Variants in DAB1 observed in about 807,000 individuals in gnomAD.
DAB1 encodes DAB adaptor protein 1, also known as disabled homolog 1.
A neutral mutation model predicts 64.6 loss-of-function variants in DAB1; 15 were observed. The observed-to-expected ratio is 0.23, with a 90% confidence interval of 0.16 to 0.36. The LOEUF is 0.36. Among genes scored for constraint, DAB1 ranks in the 10% least tolerant of loss-of-function variants. The probability of loss-of-function intolerance (pLI) is 1.00; values close to 1 mark genes in which losing one functional copy is unlikely to be tolerated. For synonymous variants in DAB1, 235 were observed against 251.9 expected (o/e 0.93, Z 0.64); for missense variants, 596 against 706.7 (o/e 0.84, Z 1.78).
intron 8 of DAB1, among the ~76,000 whole-genome samples, chr1:57,069,022 T>C (rs749925607): frequency 6.6e-6 from 1 of 152,226 alleles, no homozygotes; most frequent in Non-Finnish European, 1.5e-5. Flanking sequence ...AGAAATTTGA[T>C]AAGCACATTC....
intron 4 of DAB1, among the ~76,000 whole-genome samples, chr1:58,293,673 T>C (rs1055452643): frequency 6.6e-6 from 1 of 152,168 alleles, no homozygotes; most frequent in Non-Finnish European, 1.5e-5. Flanking sequence ...ACCCAGAGCC[T>C]GTGTCTGGTG....
At chr1:57,553,453 A>AAAGAAAGG in intron 7 of DAB1, among the ~76,000 whole-genome samples, 1 of 133,010 alleles carries the variant, frequency 7.5e-6, no homozygotes, top group Non-Finnish European at 1.6e-5. Context: ...AGAAAGAAAG[A>AAAGAAAGG]AAGAAAGAGA....
At chr1:57,436,501 A>G (rs959209582) in intron 7 of DAB1, among the ~76,000 whole-genome samples, 2 of 152,212 alleles carry the variant, frequency 1.3e-5, no homozygotes, top group Non-Finnish European at 2.9e-5. Flanking sequence ...GCACTATTCT[A>G]TGATCGCTCA....
In DAB1 at chr1:57,621,684, T is replaced by C. The variant is rs914243734; in HGVS notation, n.625+27908A>G. ...GGTGCTCAGTAAATGTTGTTGCATCTCTTTGGTATTAAGTGGGATTCTCGC... is the reference window on the plus strand; with the variant it reads ...GGTGCTCAGTAAATGTTGTTGCATCCCTTTGGTATTAAGTGGGATTCTCGC... On this transcript the variant is annotated intron_variant and non_coding_transcript_variant, in intron 7 of 20. Transcript: ENST00000485760. 2.0e-5 allele frequency among the ~76,000 whole-genome samples: 3 copies of C among 152,166 alleles called. No individual in the cohort carries two copies. The East Asian group carries it at 5.8e-4, about 29-fold the overall frequency.
chr1:57,471,403 C>A (rs1424404180), intron 7 of DAB1, among the ~76,000 whole-genome samples: 3 of 152,162 alleles, frequency 2.0e-5, no homozygotes, highest in Non-Finnish European at 4.4e-5. Context: ...GTCCAATGCA[C>A]TTCATAATTG....
At chr1:57,421,954 C>T (rs1414013568) in intron 1 of DAB1, among the ~76,000 whole-genome samples, 1 of 145,164 alleles carries the variant, frequency 6.9e-6, no homozygotes. Context: ...ATCTCCGAAC[C>T]CCCATCTATC....
At chr1:58,184,282 C>A (rs1000807452) in intron 4 of DAB1, among the ~76,000 whole-genome samples, 3 of 148,280 alleles carry the variant, frequency 2.0e-5, no homozygotes, top group African/African-American at 7.3e-5. Context: ...AAATATATAA[C>A]ATATGATATA....
chr1:57,735,238 T>C (rs1179323989), intron 6 of DAB1, among the ~76,000 whole-genome samples: 2 of 152,154 alleles, frequency 1.3e-5, no homozygotes, highest in Admixed American at 1.3e-4. Flanking sequence ...AGGGACCAAG[T>C]TTTTACTACT....
chr1:57,606,593 T>TATATATATGAAATATATAATATA (rs1553199516), intron 7 of DAB1, among the ~76,000 whole-genome samples: 19,059 of 79,738 alleles, frequency 0.24, 2,747 homozygotes, highest in East Asian at 0.34. Flanking sequence ...TATAATATAT[T>TATATATATGAAATATATAATATA]ATATATTATA....
chr1:57,312,313 T>C (rs1674785719), intron 1 of DAB1, among the ~76,000 whole-genome samples: 2 of 151,078 alleles, frequency 1.3e-5, no homozygotes, highest in Admixed American at 6.6e-5. Context: ...GCAGATGCCG[T>C]CTACAATAAT....
intron 5 of DAB1, among the ~76,000 whole-genome samples, chr1:58,055,528 G>T (rs55704103): frequency 0.2 from 30,220 of 151,548 alleles, 3,302 homozygotes; most frequent in Admixed American, 0.23. Context: ...TTCTTTATTT[G>T]TTGACTATCT....
chr1:58,350,235 T>C (rs1439515784), intron 3 of DAB1, among the ~76,000 whole-genome samples: 2 of 152,230 alleles, frequency 1.3e-5, no homozygotes, highest in Non-Finnish European at 2.9e-5. Flanking sequence ...CACGTGTTTG[T>C]TGGCTGCATA....
At chr1:57,290,614 T>C (rs551097021) in intron 2 of DAB1, among the ~76,000 whole-genome samples, 12 of 152,292 alleles carry the variant, frequency 7.9e-5, no homozygotes, top group African/African-American at 2.9e-4. Flanking sequence ...TTGTATATTA[T>C]GAGAAAAGTT....
At chr1:57,599,574 T>C (rs1228550781) in intron 7 of DAB1, among the ~76,000 whole-genome samples, 1 of 152,066 alleles carries the variant, frequency 6.6e-6, no homozygotes, top group Non-Finnish European at 1.5e-5. Flanking sequence ...GCCTCAGTTT[T>C]CTAAAATGTA....
chr1:58,509,692 A>G (rs1195132525), intron 2 of DAB1, among the ~76,000 whole-genome samples: 2 of 151,672 alleles, frequency 1.3e-5, no homozygotes, highest in African/African-American at 4.8e-5. Context: ...ATAAAAAAAT[A>G]GAAAAAAATT....
chr1:57,774,982 C>T (rs1473297178), intron 6 of DAB1, among the ~76,000 whole-genome samples: 1 of 151,602 alleles, frequency 6.6e-6, no homozygotes, highest in Non-Finnish European at 1.5e-5. Context: ...ATTTCTTCTT[C>T]TATCAACTTT....
At chr1:58,491,010 T>C (rs1055756946) in intron 3 of DAB1, among the ~76,000 whole-genome samples, 19 of 151,720 alleles carry the variant, frequency 1.3e-4, no homozygotes, top group Admixed American at 3.3e-4. Flanking sequence ...GGTTTCACCA[T>C]GTTAGCCAGG....
intron 2 of DAB1, among the ~76,000 whole-genome samples, chr1:57,237,474 T>TTTCCTTTCTCTCTCAGAATGTCACTCCCA (rs1668179944): frequency 6.6e-6 from 1 of 152,206 alleles, no homozygotes. Flanking sequence ...CTGAAATAGA[T>TTTCCTTTCTCTCTCAGAATGTCACTCCCA]TTCCTTTCTC....
intron 2 of DAB1, among the ~76,000 whole-genome samples, chr1:57,247,131 C>A (rs145235073): frequency 6.6e-6 from 1 of 152,160 alleles, no homozygotes; most frequent in East Asian, 1.9e-4. Flanking sequence ...GAAGGACATG[C>A]GATTTGGGAG....
Sources: gnomAD v4.1 joint callset for allele counts (sites outside exome capture counted in the v4.1 genomes callset) on GRCh38, gnomAD v4.1.1 for gene constraint, MANE v1.5 for transcripts, NCBI Gene and HGNC (gene_info 2026-07-23, HGNC 2026-07-21) for gene names.